Variants in SGSM3 observed in about 807,000 individuals in gnomAD.
SGSM3 encodes the protein RUN and SH3 containing 3.
Under a neutral mutation model 100.5 loss-of-function variants are expected in SGSM3, and 96 were observed. The ratio of observed to expected loss-of-function variants is 0.96; its 90% CI spans 0.81 to 1.13. The LOEUF (loss-of-function observed/expected upper bound fraction) is 1.13, where lower values mean the gene tolerates loss of function less well. Ranked by LOEUF, SGSM3 falls within the 50% of genes most tolerant of loss-of-function variation. The pLI, the probability that SGSM3 is intolerant of heterozygous loss-of-function variation, is 0.00. For synonymous variants in SGSM3, 483 were observed against 422.8 expected (o/e 1.14, Z -1.75); for missense variants, 1,001 against 1,015.8 (o/e 0.99, Z 0.20).
rs1457273507 is a variant in SGSM3 at position 40,409,906 on chromosome 22, C to T, written c.*147C>T. On this transcript the variant is annotated 3_prime_UTR_variant, in exon 22 of 22. Transcript: ENST00000248929. ...CTGCCCCACTCCACGTTCCCCAGCA[C>T]ATCCCAGGTGGTGGGAGCAGAGGGT... is the stretch of plus-strand genomic sequence containing the variant. 1 of 1,418,604 alleles carries T rather than the reference C, an allele frequency of 7.0e-7. No individual in the cohort carries two copies. Among genetic ancestry groups the T allele is most frequent in the East Asian group, 2.6e-5 (1 of 38,498 alleles). 87.9% of individuals were successfully genotyped at this position (1,418,604 alleles called of 1,614,324 possible).
chr22:40,390,850 C>T (rs1225938559), intron 1 of SGSM3, among the ~76,000 whole-genome samples: 1 of 152,068 alleles, frequency 6.6e-6, no homozygotes, highest in Non-Finnish European at 1.5e-5. Flanking sequence ...CAGTAGAGAG[C>T]CAAGGCACAG....
At chr22:40,402,270 G>T in intron 4 of SGSM3, 65 bp downstream of exon 4, 3 of 1,247,102 alleles carry the variant, frequency 2.4e-6, no homozygotes, top group South Asian at 2.4e-5. Flanking sequence ...CCGCTCCCTT[G>T]ACTGAATTAC....
At chr22:40,374,602 G>T (rs768352441) in intron 1 of SGSM3, among the ~76,000 whole-genome samples, 1 of 152,242 alleles carries the variant, frequency 6.6e-6, no homozygotes, top group African/African-American at 2.4e-5. Flanking sequence ...GTTGAATGGG[G>T]CCCAGTACGG....
intron 1 of SGSM3, among the ~76,000 whole-genome samples, chr22:40,374,610 C>T (rs995011295): frequency 2.0e-5 from 3 of 152,240 alleles, no homozygotes; most frequent in Admixed American, 1.3e-4. Context: ...GGGCCCAGTA[C>T]GGCGGCTCAC....
chr22:40,377,723 G>C (rs115594514), intron 1 of SGSM3, among the ~76,000 whole-genome samples: 3,479 of 152,074 alleles, frequency 0.023, 132 homozygotes, highest in African/African-American at 0.08. Flanking sequence ...GCATGTGCCT[G>C]TAGTCCCAGC....
At chr22:40,373,835 C>G (rs1040938235) in intron 1 of SGSM3, among the ~76,000 whole-genome samples, 16 of 152,192 alleles carry the variant, frequency 1.1e-4, no homozygotes, top group Admixed American at 9.8e-4. Context: ...AGGATGGTCT[C>G]CATCTCTTGA....
intron 1 of SGSM3, among the ~76,000 whole-genome samples, chr22:40,389,213 G>A (rs1246150593): frequency 2.6e-5 from 4 of 152,094 alleles, no homozygotes; most frequent in African/African-American, 9.7e-5. Context: ...GAAAACCAAA[G>A]GATCATGACA....
At chr22:40,374,715 C>T (rs1021049150) in intron 1 of SGSM3, among the ~76,000 whole-genome samples, 6 of 152,174 alleles carry the variant, frequency 3.9e-5, no homozygotes, top group African/African-American at 1.4e-4. Flanking sequence ...AATGCCATCT[C>T]GACCAAAAAC....
Position 40,409,241 on chromosome 22 carries a change from T to C in SGSM3, c.1989-9T>C, listed in dbSNP as rs2052197720. 2.5e-6 allele frequency: 4 copies of C among 1,597,144 alleles called. No individual in the cohort carries two copies. Among genetic ancestry groups the C allele is most frequent in the East Asian group, 2.2e-5 (1 of 44,780 alleles). ...TGCCCCTGCTCCCCACTCCTGGCCATGTCCCCAGTGAGCAGGTGCTGCACC... is the reference window on the plus strand; with the variant it reads ...TGCCCCTGCTCCCCACTCCTGGCCACGTCCCCAGTGAGCAGGTGCTGCACC... On this transcript the variant is annotated splice_polypyrimidine_tract_variant and intron_variant, in intron 19 of 21. Transcript: ENST00000248929.
At chr22:40,408,466 A>C (rs1484271423) in intron 16 of SGSM3, 37 bp downstream of exon 16, 1 of 1,611,902 alleles carries the variant, frequency 6.2e-7, no homozygotes, top group Middle Eastern at 1.6e-4. Context: ...CCCACCCTGC[A>C]CCAGCCCTGC....
intron 1 of SGSM3, among the ~76,000 whole-genome samples, chr22:40,380,352 T>C (rs1050343030): frequency 6.6e-6 from 1 of 150,802 alleles, no homozygotes; most frequent in East Asian, 1.9e-4. Context: ...TTTTTAACCA[T>C]GAATATCTAT....
intron 1 of SGSM3, among the ~76,000 whole-genome samples, chr22:40,371,436 G>C (rs1309756645): frequency 6.6e-6 from 1 of 152,112 alleles, no homozygotes; most frequent in Non-Finnish European, 1.5e-5. Flanking sequence ...AGATGTCCTG[G>C]AATGTTCTAC....
intron 1 of SGSM3, among the ~76,000 whole-genome samples, chr22:40,372,339 A>G (rs903116389): frequency 2.0e-5 from 3 of 150,532 alleles, no homozygotes; most frequent in Non-Finnish European, 3.0e-5. Flanking sequence ...TGTTAGCCAG[A>G]TGGTCTCGAT....
chr22:40,394,786 G>A (rs566829045), intron 1 of SGSM3, among the ~76,000 whole-genome samples: 15 of 151,662 alleles, frequency 9.9e-5, no homozygotes, highest in African/African-American at 3.4e-4. Context: ...AGACCTGATC[G>A]TTATTCTCAT....
At position 40,409,456 on chromosome 22, in the gene SGSM3, C is replaced by A; in HGVS notation, c.2112-9C>A. The stretch of plus-strand genomic sequence containing the variant: ...GACAAGAGCCTTACCACCCCTTCCT[C>A]ACCTCTAGAGTCCTCTGCTGCTTTG... On this transcript the variant is annotated splice_polypyrimidine_tract_variant and intron_variant, in intron 20 of 21. Coordinates refer to ENST00000248929, the MANE Select transcript of SGSM3 (RefSeq NM_015705.6). The A allele has an allele frequency of 6.4e-7, 1 of 1,570,632 alleles. No individual in the cohort carries two copies. The highest frequency in any genetic ancestry group is 8.6e-7 in the Non-Finnish European group (1 of 1,156,588).
At chr22:40,405,116 G>C (rs927971003) in intron 6 of SGSM3, 25 bp from the exon 7 acceptor site, 1 of 1,483,210 alleles carries the variant, frequency 6.7e-7, no homozygotes, top group African/African-American at 1.4e-5. Context: ...TCTTGTTATT[G>C]TGGGTGCCGA....
At position 40,407,426 on chromosome 22, in the gene SGSM3, A is replaced by G. The variant is rs1267526423; in HGVS notation, c.1382A>G (p.Asp461Gly). 6.2e-7 allele frequency: 1 copy of G among 1,612,612 alleles called. No individual in the cohort carries two copies. The change falls in exon 13 of 22, where the codon GAC becomes GGC. Residue 461 changes from aspartate to glycine, a missense_variant. Coordinates refer to ENST00000248929, the MANE Select transcript of SGSM3 (RefSeq NM_015705.6). The surrounding 1 kb of genome is among the most constrained non-coding windows in gnomAD (Gnocchi z 4.7). ...PKNCSVELTP[D>G]YSMESHQRDH... Reference sequence around the variant, plus strand: ...TCACTGTGGCAGGAGCTGACTCCAGACTATAGCATGGAGAGCCACCAGCGG... The same window carrying G: ...TCACTGTGGCAGGAGCTGACTCCAGGCTATAGCATGGAGAGCCACCAGCGG...
intron 10 of SGSM3, 80 bp from the exon 11 acceptor site, chr22:40,406,937 T>G: frequency 1.7e-4 from 228 of 1,349,002 alleles, no homozygotes; most frequent in Non-Finnish European, 2.2e-4. Context: ...CTATTTCAGA[T>G]GAGACAGTAT....
chr22:40,379,534 CTG>C (rs2047214835), intron 1 of SGSM3: 1 of 152,252 alleles, frequency 6.6e-6, no homozygotes, highest in African/African-American at 2.4e-5. Flanking sequence ...TTGTTTATCT[CTG>C]TTAAACTGTG....
Sources: allele counts gnomAD v4.1 joint callset (sites outside exome capture counted in the v4.1 genomes callset), GRCh38; gene constraint gnomAD v4.1.1; non-coding constraint Gnocchi (gnomAD v3.1); transcripts MANE v1.5; gene names NCBI Gene and HGNC (gene_info 2026-07-23, HGNC 2026-07-21).